Variants in GFRA1 observed in about 807,000 individuals in gnomAD.
GFRA1 encodes the protein GDNF family receptor alpha 1.
GFRA1 carries 16 observed loss-of-function variants against 51.6 expected under a neutral mutation model. The ratio of observed to expected loss-of-function variants is 0.31; its 90% CI spans 0.21 to 0.47. GFRA1 has a LOEUF of 0.47. Ranked by LOEUF, GFRA1 falls within the 20% of genes least tolerant of loss-of-function variation. GFRA1 has a pLI of 1.00. For synonymous variants in GFRA1, 270 were observed against 241.3 expected (o/e 1.12, Z -1.10); for missense variants, 530 against 594.3 (o/e 0.89, Z 1.13).
chr10:116,263,570 G>T (rs1969443276), intron 4 of GFRA1, among the ~76,000 whole-genome samples: 1 of 152,192 alleles, frequency 6.6e-6, no homozygotes, highest in Non-Finnish European at 1.5e-5. Context: ...AAGCTGCCCA[G>T]AGTGCTAGTA....
intron 4 of GFRA1, among the ~76,000 whole-genome samples, chr10:116,259,058 T>C (rs1300018566): frequency 2.0e-5 from 3 of 152,328 alleles, no homozygotes; most frequent in South Asian, 2.1e-4. Context: ...TCAAAACGCG[T>C]AGTAACAGAA....
At chr10:116,150,040 C>T (rs1407513999) in intron 5 of GFRA1, among the ~76,000 whole-genome samples, 1 of 152,186 alleles carries the variant, frequency 6.6e-6, no homozygotes, top group Admixed American at 6.5e-5. Context: ...CACCACTCTT[C>T]ATGGATTCTT....
intron 5 of GFRA1, among the ~76,000 whole-genome samples, chr10:116,207,138 A>C (rs936527756): frequency 2.4e-4 from 7 of 28,776 alleles, no homozygotes; most frequent in Non-Finnish European, 3.7e-4. Flanking sequence ...TAAAACTGTA[A>C]AACAGTTTCC....
At chr10:116,248,303 C>T (rs565796159) in intron 4 of GFRA1, among the ~76,000 whole-genome samples, 1 of 152,308 alleles carries the variant, frequency 6.6e-6, no homozygotes, top group East Asian at 1.9e-4. Context: ...GGCCTGCACC[C>T]ACTAGACCTG....
Position 116,270,815 on chromosome 10 carries a change from C to G in GFRA1, c.334+7G>C, listed in dbSNP as rs1014270886. ...CACGGGGTGGGGTGGGGAGGTTCCA[C>G]GCGTACCCTGCAGGCTCTGGTACAT... On this transcript the variant is annotated splice_region_variant and intron_variant, in intron 3 of 10. Coordinates refer to ENST00000355422, the MANE Select transcript of GFRA1 (RefSeq NM_005264.8). 6 of 1,609,504 alleles carry G rather than the reference C, an allele frequency of 3.7e-6. No homozygotes were observed. The highest frequency in any genetic ancestry group is 2.7e-5 in the African/African-American group (2 of 74,898).
intron 4 of GFRA1, among the ~76,000 whole-genome samples, chr10:116,232,502 CAAAA>C (rs59449613): frequency 1.1e-3 from 164 of 148,482 alleles, no homozygotes; most frequent in East Asian, 0.01. Context: ...TTTCCTCATA[CAAAA>C]AAAAAAAAAA....
intron 8 of GFRA1, among the ~76,000 whole-genome samples, chr10:116,092,392 A>G (rs1565568702): frequency 1.3e-5 from 2 of 152,132 alleles, no homozygotes; most frequent in Non-Finnish European, 2.9e-5. Context: ...AGTAACACAC[A>G]AAAGCTTTTG....
At chr10:116,212,090 A>C (rs1965235521) in intron 4 of GFRA1, among the ~76,000 whole-genome samples, 1 of 152,244 alleles carries the variant, frequency 6.6e-6, no homozygotes, top group Admixed American at 6.5e-5. Flanking sequence ...AGAAAGTTAA[A>C]TAACTCATTC....
intron 5 of GFRA1, among the ~76,000 whole-genome samples, chr10:116,171,534 G>C (rs949642888): frequency 3.9e-5 from 6 of 152,146 alleles, no homozygotes; most frequent in African/African-American, 1.4e-4. Context: ...AGACTGATTT[G>C]GCAAAGATAT....
Position 116,215,846 on chromosome 10 carries a change from CAAAGG to C in GFRA1, c.419-4206_419-4202del, listed in dbSNP as rs1201493334. The stretch of plus-strand genomic sequence containing the variant: ...CCCCAACCCCAATCATTCACATGGA[CAAAGG>C]AAAGCCTGTTCTCCTGCCCACCCCC... On this transcript the variant is annotated intron_variant, in intron 4 of 10. Coordinates refer to ENST00000355422, the MANE Select transcript of GFRA1 (RefSeq NM_005264.8). Among the ~76,000 whole-genome samples the C allele has an allele frequency of 7.2e-5, 11 of 152,266 alleles. No homozygotes were observed. The East Asian group carries it at 2.1e-3, about 29-fold the overall frequency.
chr10:116,163,490 T>C (rs551610019), intron 5 of GFRA1, among the ~76,000 whole-genome samples: 41 of 152,366 alleles, frequency 2.7e-4, no homozygotes, highest in African/African-American at 9.9e-4. Context: ...GGGCTGTCAG[T>C]TGCTAAGTGC....
chr10:116,065,913 C>T (rs921430615), intron 9 of GFRA1, among the ~76,000 whole-genome samples: 3 of 152,098 alleles, frequency 2.0e-5, no homozygotes, highest in Non-Finnish European at 2.9e-5. Context: ...TGTTCAAAAT[C>T]TGGTGTGTTT....
intron 4 of GFRA1, among the ~76,000 whole-genome samples, chr10:116,245,692 T>C (rs1282107985): frequency 2.6e-5 from 4 of 152,168 alleles, no homozygotes; most frequent in Middle Eastern, 3.2e-3. Context: ...AAGACATCCT[T>C]CAGTAAGTGA....
intron 6 of GFRA1, among the ~76,000 whole-genome samples, chr10:116,097,656 C>T (rs913638063): frequency 5.3e-5 from 8 of 152,284 alleles, no homozygotes; most frequent in South Asian, 4.1e-4. Flanking sequence ...GAGGTCATCT[C>T]GGCAGACAAC....
In GFRA1 at chr10:116,081,669, A is replaced by C. The variant is rs1434756227; in HGVS notation, c.1197+8072T>G. Among the ~76,000 whole-genome samples the C allele has an allele frequency of 2.6e-5, 4 of 152,172 alleles. No homozygotes were observed. In the East Asian group the frequency reaches 7.7e-4, roughly 29 times the overall value. On this transcript the variant is annotated intron_variant, in intron 9 of 10. Transcript: ENST00000355422. ...CACTGCGTATGCATTTGTTTTATTA[A>C]TGCCTGGCCATAAAAAGCTAGGGTG...
chr10:116,087,225 C>T (rs3901216), intron 9 of GFRA1, among the ~76,000 whole-genome samples: 55,914 of 151,774 alleles, frequency 0.37, 13,233 homozygotes, highest in Non-Finnish European at 0.55. Flanking sequence ...GGGGCAAAGC[C>T]ACATACTGCA....
At chr10:116,071,940 TC>T (rs570660223) in intron 9 of GFRA1, among the ~76,000 whole-genome samples, 61 of 152,186 alleles carry the variant, frequency 4.0e-4, no homozygotes, top group Non-Finnish European at 3.1e-4. Flanking sequence ...GGTCTACAGT[TC>T]CTGGTTTCAG....
intron 6 of GFRA1, among the ~76,000 whole-genome samples, chr10:116,117,555 G>GGGGGGA (rs76021953): frequency 7.8e-6 from 1 of 127,706 alleles, no homozygotes; most frequent in Non-Finnish European, 1.7e-5. Flanking sequence ...GTGGGTGGGT[G>GGGGGGA]TGTGGATGGA....
chr10:116,213,299 C>T (rs1297782909), intron 4 of GFRA1, among the ~76,000 whole-genome samples: 4 of 152,174 alleles, frequency 2.6e-5, no homozygotes, highest in Non-Finnish European at 4.4e-5. Flanking sequence ...TATAATATAT[C>T]TCACACAGTG....
Sources: gnomAD v4.1 joint callset for allele counts (sites outside exome capture counted in the v4.1 genomes callset) on GRCh38, gnomAD v4.1.1 for gene constraint, MANE v1.5 for transcripts, NCBI Gene and HGNC (gene_info 2026-07-23, HGNC 2026-07-21) for gene names.